DFFB: variants seen among roughly 807,000 people sequenced by gnomAD.
DFFB encodes the protein DNA fragmentation factor subunit beta.
DFFB carries 29 observed loss-of-function variants against 32.7 expected under a neutral mutation model. The observed-to-expected ratio is 0.89, with a 90% CI of 0.66 to 1.21. The LOEUF (loss-of-function observed/expected upper bound fraction) is 1.21. DFFB is among the 50% of genes most tolerant of loss of function. The pLI, the probability that DFFB is intolerant of heterozygous loss-of-function variation, is 0.00. For synonymous variants in DFFB, 170 were observed against 177.1 expected, an observed-to-expected ratio of 0.96 and a Z score of 0.32; for missense variants, 398 against 440.6, an observed-to-expected ratio of 0.90 and a Z score of 0.87.
At chr1:3,859,783 C>T (rs1644843778) in intron 2 of DFFB, among the ~76,000 whole-genome samples, 1 of 152,168 alleles carries the variant, frequency 6.6e-6, no homozygotes, top group African/African-American at 2.4e-5. Context: ...ACTGTGATGC[C>T]CCCTGGGGTG....
At chr1:3,867,537 C>A in intron 3 of DFFB, 1 of 159,392 alleles carries the variant, frequency 6.3e-6, no homozygotes, top group Non-Finnish European at 1.4e-5. Flanking sequence ...CTGTCTGTGT[C>A]GCCATTAGAA....
At chr1:3,863,706 C>G (rs1644920892) in intron 2 of DFFB, among the ~76,000 whole-genome samples, 1 of 152,090 alleles carries the variant, frequency 6.6e-6, no homozygotes, top group Non-Finnish European at 1.5e-5. Context: ...CATGGCCGAG[C>G]CTTGAAACCA....
chr1:3,875,040 C>T (rs900076272), intron 6 of DFFB, among the ~76,000 whole-genome samples: 4 of 152,236 alleles, frequency 2.6e-5, no homozygotes, highest in South Asian at 2.1e-4. Context: ...TGGCGGCCCA[C>T]GCTGTCGTGT....
chr1:3,883,810 T>A lies in DFFB; in HGVS notation c.*69T>A. The A allele has an allele frequency of 7.1e-7, 1 of 1,414,598 alleles. No individual in the cohort carries two copies. The highest frequency in any genetic ancestry group is 9.8e-7 in the Non-Finnish European group (1 of 1,024,692). 87.6% of individuals were successfully genotyped at this position (1,414,598 alleles called of 1,614,324 possible). A position where few individuals can be genotyped will look rare whatever the true frequency, so the allele number is the denominator to read the frequency against. Reference sequence around the variant, plus strand: ...GGCATCATTTTAACAGGTGCCTTTTTTGTTTTTTTGTTTTTCGTTTTTTTG... The same window carrying A: ...GGCATCATTTTAACAGGTGCCTTTTATGTTTTTTTGTTTTTCGTTTTTTTG... On this transcript the variant is annotated 3_prime_UTR_variant, in exon 7 of 7. Coordinates refer to ENST00000378209, the MANE Select transcript of DFFB (RefSeq NM_004402.4).
At chr1:3,882,720 T>C (rs759791863) in intron 6 of DFFB, among the ~76,000 whole-genome samples, 6 of 152,108 alleles carry the variant, frequency 3.9e-5, no homozygotes, top group African/African-American at 9.7e-5. Flanking sequence ...AAGATTAGGA[T>C]TGGAAAGATC....
At chr1:3,877,315 T>G (rs886370671) in intron 6 of DFFB, among the ~76,000 whole-genome samples, 1 of 149,198 alleles carries the variant, frequency 6.7e-6, no homozygotes, top group African/African-American at 2.5e-5. Flanking sequence ...ATGAGTTGTG[T>G]CTTGGGAGTT....
chr1:3,880,102 T>C (rs1645305886), intron 6 of DFFB, among the ~76,000 whole-genome samples: 1 of 152,164 alleles, frequency 6.6e-6, no homozygotes, highest in Non-Finnish European at 1.5e-5. Flanking sequence ...ATGGGGTCTT[T>C]GGTTCAGCTT....
chr1:3,869,210 C>T (rs1053749881), intron 4 of DFFB, among the ~76,000 whole-genome samples: 2 of 152,264 alleles, frequency 1.3e-5, no homozygotes, highest in Non-Finnish European at 2.9e-5. Context: ...CAGGCATGTA[C>T]CACCATGCCC....
chr1:3,870,048 C>T (rs5013486), intron 5 of DFFB, among the ~76,000 whole-genome samples: 60,889 of 152,168 alleles, frequency 0.4, 14,081 homozygotes, highest in Non-Finnish European at 0.54. Context: ...CTTAGTCAGC[C>T]CCGGCTGCCA....
intron 5 of DFFB, among the ~76,000 whole-genome samples, chr1:3,870,585 C>G (rs1645092530): frequency 6.6e-6 from 1 of 152,222 alleles, no homozygotes; most frequent in Middle Eastern, 3.4e-3. Context: ...GGTTGGGACA[C>G]AAAAATGAAA....
At chr1:3,864,800 C>T (rs1483373203) in intron 2 of DFFB, among the ~76,000 whole-genome samples, 4 of 152,048 alleles carry the variant, frequency 2.6e-5, no homozygotes, top group Admixed American at 2.0e-4. Context: ...TCTCCCACCT[C>T]GGTCTCTGAA....
chr1:3,868,028 G>A lies in DFFB; in HGVS notation c.485G>A (p.Ser162Asn). The A allele has an allele frequency of 6.2e-7, 1 of 1,614,146 alleles. No individual in the cohort carries two copies. Among genetic ancestry groups the A allele is most frequent in the Non-Finnish European group, 8.5e-7 (1 of 1,180,018 alleles). Residue 162 changes from serine to asparagine, a missense_variant, in exon 4 of 7, where the codon AGC becomes AAC. Transcript: ENST00000378209. ...GGCTATCTGAGATACAGCTGTGAGA[G>A]CCGGATCCGGAGTTACCTGAGGGAG... ...KSGYLRYSCE[S>N]RIRSYLREVS...
chr1:3,878,709 G>C (rs936436712), intron 6 of DFFB, among the ~76,000 whole-genome samples: 1 of 152,176 alleles, frequency 6.6e-6, no homozygotes, highest in South Asian at 2.1e-4. Context: ...GGCCGGCCTC[G>C]CTGTGACCCT....
chr1:3,872,532 G>A lies in DFFB; in HGVS notation c.742G>A (p.Glu248Lys). 1 of 1,614,120 alleles carries A rather than the reference G, an allele frequency of 6.2e-7. No homozygotes were observed. Among genetic ancestry groups the A allele is most frequent in the Non-Finnish European group, 8.5e-7 (1 of 1,180,022 alleles). ...CTCCATCAACCCCTACAGTAACAGGGAGAGCAGGATCCTCTTCAGCACCTG... is the reference window on the plus strand; with the variant it reads ...CTCCATCAACCCCTACAGTAACAGGAAGAGCAGGATCCTCTTCAGCACCTG... The part of the protein sequence containing the change: ...RHSINPYSNR[E>K]SRILFSTWNL... The change falls in exon 6 of 7, where the codon GAG (glutamate) becomes AAG (lysine). Residue 248 changes from glutamate (E) to lysine (K), a missense_variant. By Grantham distance (56) the Glu-to-Lys change is moderately conservative. Coordinates refer to ENST00000378209, the MANE Select transcript of DFFB (RefSeq NM_004402.4).
rs567889083 is a variant in DFFB at position 3,860,920 on chromosome 1, C to T, written c.241+2076C>T. 1.7e-3 allele frequency among the ~76,000 whole-genome samples: 256 copies of T among 152,188 alleles called. 1 individual carries two copies. The highest frequency in any genetic ancestry group is 5.9e-3 in the African/African-American group (246 of 41,522). On this transcript the variant is annotated intron_variant, in intron 2 of 6. Transcript: ENST00000378209. ...CTGTAATCCCAGCACTTTGGGAGGCCGAGGTGGGTGGATCACCTGAGATCA... is the reference window on the plus strand; with the variant it reads ...CTGTAATCCCAGCACTTTGGGAGGCTGAGGTGGGTGGATCACCTGAGATCA...
chr1:3,869,700 C>A lies in DFFB; in HGVS notation c.606C>A (p.Tyr202Ter), dbSNP rs757850995. The A allele has an allele frequency of 6.8e-6, 11 of 1,612,846 alleles. No homozygotes were observed. Among genetic ancestry groups the A allele is most frequent in the Non-Finnish European group, 9.3e-6 (11 of 1,179,566 alleles). The stretch of plus-strand genomic sequence containing the variant: ...GCCAGAGGCTCCGGTCCATGCAGTA[C>A]AATGGCAGCTACTTCGACAGAGGAG... Reference protein sequence around the residue: ...SMCQRLRSMQYNGSYFDRGAK... With the variant: ...SMCQRLRSMQ Residue 202 changes from tyrosine to a stop codon, truncating the protein, a stop_gained, in exon 5 of 7, where the codon TAC (tyrosine) becomes TAA (stop). Coordinates refer to ENST00000378209, the MANE Select transcript of DFFB (RefSeq NM_004402.4). LOFTEE classifies it high-confidence loss of function.
At chr1:3,866,573 T>G (rs1644984888) in intron 3 of DFFB, among the ~76,000 whole-genome samples, 1 of 152,154 alleles carries the variant, frequency 6.6e-6, no homozygotes, top group Non-Finnish European at 1.5e-5. Context: ...CTAAAGTACA[T>G]ATGACATAAA....
At chr1:3,876,065 A>G (rs1645215809) in intron 6 of DFFB, among the ~76,000 whole-genome samples, 1 of 152,170 alleles carries the variant, frequency 6.6e-6, no homozygotes. Flanking sequence ...GGCATGAGCC[A>G]CTGTGCCTGG....
intron 2 of DFFB, among the ~76,000 whole-genome samples, chr1:3,859,356 A>G (rs886088435): frequency 6.6e-6 from 1 of 152,156 alleles, no homozygotes; most frequent in Non-Finnish European, 1.5e-5. Flanking sequence ...GGGCATCTGT[A>G]TTGAAGCCTC....
Sources: gnomAD v4.1 joint callset for allele counts (sites outside exome capture counted in the v4.1 genomes callset) on GRCh38, gnomAD v4.1.1 for gene constraint, MANE v1.5 for transcripts, NCBI Gene and HGNC (gene_info 2026-07-23, HGNC 2026-07-21) for gene names.